Variants in NTM observed in about 807,000 individuals in gnomAD.
The protein encoded by NTM is IgLON family member 2.
NTM carries 13 observed loss-of-function variants against 42.1 expected under a neutral mutation model. That is an observed-to-expected ratio of 0.31 (90% CI 0.20 to 0.49). NTM has a LOEUF of 0.49. NTM is among the 20% of genes least tolerant of loss of function. The pLI is 0.99. For synonymous variants in NTM, 187 were observed against 179.2 expected, an observed-to-expected ratio of 1.04 and a Z score of -0.35; for missense variants, 373 against 452.8, an observed-to-expected ratio of 0.82 and a Z score of 1.60.
intron 1 of NTM, chr11:131,909,605 T>C (rs1220751120): frequency 6.6e-6 from 1 of 152,240 alleles, no homozygotes; most frequent in Non-Finnish European, 1.5e-5. Flanking sequence ...AAGGGAGCAT[T>C]ATTAATGTCA....
At chr11:132,243,822 C>T (rs2090610355) in intron 4 of NTM, among the ~76,000 whole-genome samples, 1 of 152,176 alleles carries the variant, frequency 6.6e-6, no homozygotes. Context: ...CACAAGAGGG[C>T]TATGCAGCTG....
intron 1 of NTM, among the ~76,000 whole-genome samples, chr11:131,496,484 A>G (rs1001282715): frequency 1.3e-5 from 2 of 152,240 alleles, no homozygotes; most frequent in African/African-American, 4.8e-5. Flanking sequence ...TGGGCAGGCC[A>G]GGGCCGGCAC....
rs1286064656 is a variant in NTM, at chr11:131,401,822, A to ATATATGTG, written c.82+30939_82+30940insGTGTATAT. Among the ~76,000 whole-genome samples the ATATATGTG allele has an allele frequency of 8.0e-3, 460 of 57,850 alleles. 23 individuals are homozygous for ATATATGTG. Among genetic ancestry groups the ATATATGTG allele is most frequent in the East Asian group, 0.021 (43 of 2,048 alleles). 38.0% of individuals were successfully genotyped at this position (57,850 alleles called of 152,430 possible). A position where few individuals can be genotyped will look rare whatever the true frequency, so the allele number is the denominator to read the frequency against. On this transcript the variant is annotated intron_variant, in intron 1 of 8. Coordinates refer to ENST00000683400, the MANE Select transcript of NTM (RefSeq NM_001352005.2). ...GAAATATATATATATATATATATATATATATATATATATATATATATATAT... is the reference window on the plus strand; with the variant it reads ...GAAATATATATATATATATATATATATATATGTGTATATATATATATATATATATATAT...
chr11:131,799,389 T>C (rs1346775120), intron 1 of NTM, among the ~76,000 whole-genome samples: 1 of 152,166 alleles, frequency 6.6e-6, no homozygotes, highest in Non-Finnish European at 1.5e-5. Context: ...CTTCACTCAT[T>C]GAATCAAGAA....
chr11:132,072,084 A>G (rs1448394158), intron 2 of NTM, among the ~76,000 whole-genome samples: 1 of 152,188 alleles, frequency 6.6e-6, no homozygotes, highest in Non-Finnish European at 1.5e-5. Context: ...GATGCCCCCA[A>G]GTCAATGACT....
At chr11:131,705,730 G>T (rs1181801823) in intron 1 of NTM, among the ~76,000 whole-genome samples, 1 of 152,078 alleles carries the variant, frequency 6.6e-6, no homozygotes, top group Non-Finnish European at 1.5e-5. Flanking sequence ...AAGTTAAAGT[G>T]TAGAATTTAT....
chr11:131,543,314 C>T (rs574920164), intron 1 of NTM, among the ~76,000 whole-genome samples: 25 of 152,160 alleles, frequency 1.6e-4, no homozygotes, highest in Non-Finnish European at 3.1e-4. Context: ...ACAGGAAATA[C>T]GCAGGGATAG....
At chr11:132,326,133 A>G (rs11223013) in intron 7 of NTM, among the ~76,000 whole-genome samples, 57,999 of 151,980 alleles carry the variant, frequency 0.38, 11,436 homozygotes, top group African/African-American at 0.41. Flanking sequence ...AAACCTGCAC[A>G]TTGTGCACAT....
chr11:131,889,030 C>T (rs2050840247), intron 1 of NTM, among the ~76,000 whole-genome samples: 1 of 151,958 alleles, frequency 6.6e-6, no homozygotes, highest in African/African-American at 2.4e-5. Flanking sequence ...TTGTCAAAGG[C>T]TGCTTGGAGT....
chr11:131,508,930 A>G (rs866654114), intron 1 of NTM, among the ~76,000 whole-genome samples: 2 of 150,374 alleles, frequency 1.3e-5, no homozygotes, highest in Middle Eastern at 3.2e-3. Context: ...GATATACCTA[A>G]TGCTAGATGA....
At chr11:132,155,262 A>C (rs1360126636) in intron 3 of NTM, among the ~76,000 whole-genome samples, 2 of 152,182 alleles carry the variant, frequency 1.3e-5, no homozygotes, top group African/African-American at 4.8e-5. Context: ...CCAATTAGAT[A>C]CCTTTTATAG....
In NTM at chr11:131,676,924, G is replaced by A. The variant is rs549177107; in HGVS notation, c.83-234640G>A. ...ACGACGGACCTGTCCACTTAGCTGC[G>A]TTCTGTTGCCATATCTCTTTAGACT... On this transcript the variant is annotated intron_variant, in intron 1 of 8. Transcript: ENST00000683400. Among the ~76,000 whole-genome samples, 15 of 152,280 alleles carry A rather than the reference G, an allele frequency of 9.9e-5. No individual in the cohort carries two copies. In the South Asian group the frequency reaches 2.5e-3, roughly 25 times the overall value.
intron 1 of NTM, among the ~76,000 whole-genome samples, chr11:131,441,083 A>T (rs1591672247): frequency 1.3e-5 from 2 of 152,088 alleles, no homozygotes; most frequent in African/African-American, 4.8e-5. Context: ...GGGTATTGGG[A>T]GGAAGTAGAA....
At chr11:131,902,030 G>A (rs1372459667) in intron 1 of NTM, among the ~76,000 whole-genome samples, 2 of 152,212 alleles carry the variant, frequency 1.3e-5, no homozygotes, top group African/African-American at 2.4e-5. Flanking sequence ...TGCCCCAAGG[G>A]CAACCTCAAT....
chr11:131,386,794 C>T (rs1285107533), intron 1 of NTM, among the ~76,000 whole-genome samples: 9 of 152,180 alleles, frequency 5.9e-5, no homozygotes, highest in Admixed American at 5.2e-4. Context: ...ACTTTTCCCT[C>T]ATGCCACTGT....
intron 1 of NTM, among the ~76,000 whole-genome samples, chr11:131,461,199 A>T (rs1174407520): frequency 1.3e-5 from 2 of 152,212 alleles, no homozygotes; most frequent in African/African-American, 4.8e-5. Flanking sequence ...GTTACTTTAT[A>T]GCCAATCTTC....
At chr11:132,316,398 T>TATCA (rs776937281) in intron 7 of NTM, among the ~76,000 whole-genome samples, 10 of 152,214 alleles carry the variant, frequency 6.6e-5, no homozygotes, top group East Asian at 1.9e-4. Flanking sequence ...CCTATGGGTC[T>TATCA]ATCAATCAGC....
At chr11:131,680,134 C>A (rs137906210) in intron 1 of NTM, among the ~76,000 whole-genome samples, 10 of 150,228 alleles carry the variant, frequency 6.7e-5, no homozygotes, top group African/African-American at 2.3e-4. Flanking sequence ...GAGCCCTGAC[C>A]CCCCATCCTT....
At chr11:131,749,967 G>A (rs192943589) in intron 1 of NTM, among the ~76,000 whole-genome samples, 39 of 152,228 alleles carry the variant, frequency 2.6e-4, no homozygotes, top group African/African-American at 8.2e-4. Flanking sequence ...TGTGTTTCTC[G>A]CATTGGGCAG....
Sources: gnomAD v4.1 joint callset for allele counts (sites outside exome capture counted in the v4.1 genomes callset) on GRCh38, gnomAD v4.1.1 for gene constraint, MANE v1.5 for transcripts, NCBI Gene and HGNC (gene_info 2026-07-23, HGNC 2026-07-21) for gene names.